ENOX1: variants seen among roughly 807,000 people sequenced by gnomAD.
The protein encoded by ENOX1 is ecto-NOX disulfide-thiol exchanger 1, also known as candidate growth-related and time keeping constitutive hydroquinone (NADH) oxidase.
A neutral mutation model predicts 82.5 loss-of-function variants in ENOX1; 42 were observed. The ratio of observed to expected loss-of-function variants is 0.51; its 90% CI spans 0.40 to 0.66. ENOX1 has a LOEUF of 0.66. Among genes scored for constraint, ENOX1 ranks in the 30% least tolerant of loss-of-function variants. The pLI, the probability that ENOX1 is intolerant of heterozygous loss-of-function variation, is 0.00. For synonymous variants in ENOX1, 271 were observed against 282.2 expected, an observed-to-expected ratio of 0.96 and a Z score of 0.40; for missense variants, 608 against 811.6, an observed-to-expected ratio of 0.75 and a Z score of 3.05.
chr13:43,358,311 T>G (rs1259469642), intron 7 of ENOX1, among the ~76,000 whole-genome samples: 3 of 152,152 alleles, frequency 2.0e-5, no homozygotes, highest in Non-Finnish European at 4.4e-5. Context: ...GGGTTTAATC[T>G]GTGCAGGTCC....
intron 11 of ENOX1, among the ~76,000 whole-genome samples, chr13:43,315,290 A>G (rs1167874960): frequency 6.6e-6 from 1 of 152,240 alleles, no homozygotes; most frequent in Non-Finnish European, 1.5e-5. Flanking sequence ...CAATGAGGTG[A>G]CCTACTGAAA....
chr13:43,567,487 C>T (rs959687410), intron 2 of ENOX1, among the ~76,000 whole-genome samples: 1 of 151,920 alleles, frequency 6.6e-6, no homozygotes, highest in Non-Finnish European at 1.5e-5. Flanking sequence ...AAACTGTTTA[C>T]CAAGAGGAAC....
intron 11 of ENOX1, among the ~76,000 whole-genome samples, chr13:43,317,556 AT>A (rs140067416): frequency 0.073 from 10,825 of 149,134 alleles, 1,172 homozygotes; most frequent in African/African-American, 0.24. Context: ...TTTATTACTT[AT>A]TTTTTTTTTA....
At chr13:43,479,844 T>C (rs1347078648) in intron 3 of ENOX1, among the ~76,000 whole-genome samples, 1 of 152,200 alleles carries the variant, frequency 6.6e-6, no homozygotes, top group Admixed American at 6.5e-5. Flanking sequence ...AAGGTTTGAG[T>C]CTGGTTATTA....
intron 2 of ENOX1, among the ~76,000 whole-genome samples, chr13:43,581,257 C>A (rs2080721465): frequency 6.7e-6 from 1 of 149,016 alleles, no homozygotes; most frequent in African/African-American, 2.5e-5. Flanking sequence ...CTCAGCCTCC[C>A]AAGTAGCTGG....
At chr13:43,547,200 C>T (rs1403238572) in intron 2 of ENOX1, 1 of 152,198 alleles carries the variant, frequency 6.6e-6, no homozygotes, top group East Asian at 1.9e-4. Flanking sequence ...GGGAAGATGG[C>T]TCTTGAGCAA....
At chr13:43,523,821 T>C (rs1398679753) in intron 2 of ENOX1, among the ~76,000 whole-genome samples, 1 of 152,114 alleles carries the variant, frequency 6.6e-6, no homozygotes, top group Non-Finnish European at 1.5e-5. Context: ...CTATGTATTT[T>C]AATATAATCA....
intron 2 of ENOX1, chr13:43,610,035 A>T (rs1308495439): frequency 4.0e-6 from 1 of 251,954 alleles, no homozygotes; most frequent in Non-Finnish European, 6.3e-6. Context: ...TCATAAGTAT[A>T]AAAGAATCTC....
chr13:43,679,844 G>A (rs1185764065), intron 1 of ENOX1, among the ~76,000 whole-genome samples: 1 of 152,184 alleles, frequency 6.6e-6, no homozygotes, highest in Non-Finnish European at 1.5e-5. Flanking sequence ...GCATATCATG[G>A]AAACAAATGC....
chr13:43,739,798 G>A (rs1479426032), intron 1 of ENOX1, among the ~76,000 whole-genome samples: 1 of 151,700 alleles, frequency 6.6e-6, no homozygotes, highest in Non-Finnish European at 1.5e-5. Flanking sequence ...GAACTGCACG[G>A]GTCCACTTAA....
intron 2 of ENOX1, among the ~76,000 whole-genome samples, chr13:43,653,193 C>CTGCA (rs2084275442): frequency 6.6e-6 from 1 of 152,220 alleles, no homozygotes; most frequent in Non-Finnish European, 1.5e-5. Flanking sequence ...GTATACTGGA[C>CTGCA]TGCAGTAGGC....
At position 43,647,927 on chromosome 13, in the gene ENOX1, C is replaced by G. The variant is rs543340127; in HGVS notation, c.-219+19552G>C. 2.0e-5 allele frequency among the ~76,000 whole-genome samples: 3 copies of G among 152,306 alleles called. No individual in the cohort carries two copies. The South Asian group carries it at 6.2e-4, about 32-fold the overall frequency. The stretch of plus-strand genomic sequence containing the variant: ...ATGAGAAGGTCTCGACCCACCATTG[C>G]TGGCTTTGAAGACAGAAAGGCATCA... On this transcript the variant is annotated intron_variant, in intron 2 of 16. Transcript: ENST00000690772.
intron 2 of ENOX1, among the ~76,000 whole-genome samples, chr13:43,580,977 G>T (rs1309330138): frequency 6.6e-6 from 1 of 152,138 alleles, no homozygotes; most frequent in Non-Finnish European, 1.5e-5. Context: ...TTAGGACCTT[G>T]TGTTGAAATA....
chr13:43,568,511 A>G (rs1053076418), intron 2 of ENOX1, among the ~76,000 whole-genome samples: 8 of 152,174 alleles, frequency 5.3e-5, no homozygotes, highest in Non-Finnish European at 2.9e-5. Flanking sequence ...TCCTCCAAGA[A>G]ACATTTTGAT....
At chr13:43,544,646 C>T (rs2078895672) in intron 2 of ENOX1, 1 of 151,988 alleles carries the variant, frequency 6.6e-6, no homozygotes, top group Non-Finnish European at 1.5e-5. Flanking sequence ...AGTTTTATGC[C>T]CAAATTAGCT....
At position 43,648,289 on chromosome 13, in the gene ENOX1, C is replaced by A. The variant is rs550564053; in HGVS notation, c.-219+19190G>T. Among the ~76,000 whole-genome samples the A allele has an allele frequency of 3.3e-5, 5 of 152,274 alleles. No homozygotes were observed. In the East Asian group the frequency reaches 9.7e-4, roughly 29 times the overall value. Reference sequence around the variant, plus strand: ...CTTTTTTATTCATATTGAGCACCTACCACAGCCCAGACACTGTTCTTTGGG... The same window carrying A: ...CTTTTTTATTCATATTGAGCACCTAACACAGCCCAGACACTGTTCTTTGGG... On this transcript the variant is annotated intron_variant, in intron 2 of 16. Transcript: ENST00000690772.
intron 1 of ENOX1, among the ~76,000 whole-genome samples, chr13:43,684,188 C>A (rs1005687940): frequency 6.6e-6 from 1 of 151,180 alleles, no homozygotes; most frequent in East Asian, 1.9e-4. Context: ...CCTTGTCTAT[C>A]TTCTATTTTA....
At position 43,322,376 on chromosome 13, in the gene ENOX1, G is replaced by T. The variant is rs114213966; in HGVS notation, c.1261+8C>A. 1.2e-6 allele frequency: 2 copies of T among 1,606,126 alleles called. No homozygotes were observed. The highest frequency in any genetic ancestry group is 1.7e-6 in the Non-Finnish European group (2 of 1,173,224). On this transcript the variant is annotated splice_region_variant and intron_variant, in intron 11 of 16. Transcript: ENST00000690772. ...ACCTCATGGGTCTGTGGCAGTTATC[G>T]GCATTACCTGATTCATCGACTCTCA...
chr13:43,556,641 A>G (rs1593801174), intron 2 of ENOX1, among the ~76,000 whole-genome samples: 1 of 152,008 alleles, frequency 6.6e-6, no homozygotes, highest in East Asian at 1.9e-4. Flanking sequence ...CTTTCATTCC[A>G]CAATTATCTA....
Sources: gnomAD v4.1 joint callset for allele counts (sites outside exome capture counted in the v4.1 genomes callset) on GRCh38, gnomAD v4.1.1 for gene constraint, MANE v1.5 for transcripts, NCBI Gene and HGNC (gene_info 2026-07-23, HGNC 2026-07-21) for gene names.